PROX1: variants seen among roughly 807,000 people sequenced by gnomAD.
The protein encoded by PROX1 is prospero homeobox protein 1.
PROX1 carries 7 observed loss-of-function variants against 58.8 expected under a neutral mutation model. The observed-to-expected ratio is 0.12, with a 90% CI of 0.07 to 0.22. PROX1 has a LOEUF of 0.22. Among genes scored for constraint, PROX1 ranks in the 10% least tolerant of loss-of-function variants. The pLI is 1.00. For synonymous variants in PROX1, 350 were observed against 358.3 expected (o/e 0.98, Z 0.26); for missense variants, 675 against 927.8 (o/e 0.73, Z 3.54).
At position 213,997,233 on chromosome 1, in the gene PROX1, G is replaced by T. The variant is rs371118740; in HGVS notation, c.698G>T (p.Arg233Leu). The part of the protein sequence containing the change: ...QLVSARKEQK[R>L]EERRQLKQQL... ...GTTTCAGCCCGAAAAGAACAGAAGCGAGAGGAGCGCCGACAGCTGAAACAG... is the reference window on the plus strand; with the variant it reads ...GTTTCAGCCCGAAAAGAACAGAAGCTAGAGGAGCGCCGACAGCTGAAACAG... The change falls in exon 2 of 5, where the codon CGA (arginine) becomes CTA (leucine). Residue 233 changes from arginine to leucine, a missense_variant. Physicochemically the swap from Arg to Leu is moderately radical, Grantham distance 102. Transcript: ENST00000366958. The surrounding 1 kb of genome is among the most constrained non-coding windows in gnomAD (Gnocchi z 7.1). 13 of 1,612,908 alleles carry T rather than the reference G, an allele frequency of 8.1e-6. No individual in the cohort carries two copies. The highest frequency in any genetic ancestry group is 1.1e-5 in the South Asian group (1 of 90,984).
At chr1:214,033,304 A>G (rs575523325) in intron 4 of PROX1, among the ~76,000 whole-genome samples, 1 of 152,346 alleles carries the variant, frequency 6.6e-6, no homozygotes, top group African/African-American at 2.4e-5. Flanking sequence ...ATTTTAATAA[A>G]TGCCTATAAT....
chr1:213,997,541 C>A lies in PROX1; in HGVS notation c.1006C>A (p.His336Asn). 6.2e-7 allele frequency: 1 copy of A among 1,614,010 alleles called. No homozygotes were observed. Among genetic ancestry groups the A allele is most frequent in the Non-Finnish European group, 8.5e-7 (1 of 1,179,964 alleles). Reference protein sequence around the residue: ...KREGNNKERDHGPNSLQPEGK... With the variant: ...KREGNNKERDNGPNSLQPEGK... ...AGAAGGCAACAACAAAGAAAGAGAC[C>A]ATGGGCCAAACTCCTTACAACCGGA... The change falls in exon 2 of 5, where the codon CAT becomes AAT. Residue 336 changes from histidine (H) to asparagine (N), a missense_variant. Physicochemically the swap from His to Asn is moderately conservative, Grantham distance 68 (BLOSUM62 1). Transcript: ENST00000366958. The surrounding 1 kb of genome is among the most constrained non-coding windows in gnomAD (Gnocchi z 7.1).
chr1:214,018,930 A>C (rs1247022715), intron 4 of PROX1, among the ~76,000 whole-genome samples: 2 of 152,334 alleles, frequency 1.3e-5, no homozygotes, highest in South Asian at 2.1e-4. Context: ...CTTCTTATGA[A>C]TCTTTCATGA....
At chr1:213,989,154 G>A (rs34583758) in intron 1 of PROX1, among the ~76,000 whole-genome samples, 1 of 152,058 alleles carries the variant, frequency 6.6e-6, no homozygotes, top group Admixed American at 6.6e-5. Flanking sequence ...AGGAGAGAGG[G>A]AGGTGGGGGG....
Position 213,998,240 on chromosome 1 carries a change from T to C in PROX1, c.1705T>C (p.Ser569Pro), listed in dbSNP as rs1663358856. The change falls in exon 2 of 5, where the codon TCA (serine) becomes CCA (proline). Residue 569 changes from serine to proline, a missense_variant. By Grantham distance (74) the Ser-to-Pro change is moderately conservative. Around this residue, in one of 8 missense-constraint regions of PROX1, gnomAD observed 39 missense variants for 73.4 expected, o/e 0.53. Transcript: ENST00000366958. ...CGDLQDMSEI[S>P]PYSGSAMQEG... ...CGATCTTCAAGATATGTCTGAAATA[T>C]CACCTTATTCGGGAAGTGCAATATC... 6.4e-7 allele frequency: 1 copy of C among 1,570,578 alleles called. No homozygotes were observed. Among genetic ancestry groups the C allele is most frequent in the African/African-American group, 1.4e-5 (1 of 73,240 alleles).
At chr1:214,020,208 C>T (rs777786025) in intron 4 of PROX1, among the ~76,000 whole-genome samples, 10 of 152,154 alleles carry the variant, frequency 6.6e-5, no homozygotes, top group Non-Finnish European at 1.0e-4. Context: ...CTTCCTCCTC[C>T]GTCCCCACTC....
chr1:213,996,946 C>T lies in PROX1; in HGVS notation c.411C>T (p.Pro137=). 2 of 1,614,056 alleles carry T rather than the reference C, an allele frequency of 1.2e-6. No homozygotes were observed. The highest frequency in any genetic ancestry group is 1.7e-6 in the Non-Finnish European group (2 of 1,180,034). The stretch of plus-strand genomic sequence containing the variant: ...GCAGCAACTCTTCAAGAGACAGCCC[C>T]CCAGAGTGTCTTTCCCCTTTTGGCA... ...DICSNSSRDS[P]PECLSPFGRP... is the part of the protein sequence containing the mutation. Residue 137 remains proline, a synonymous_variant, in exon 2 of 5, where the codon CCC becomes CCT. Transcript: ENST00000366958.
At chr1:214,032,849 C>G (rs1344170621) in intron 4 of PROX1, among the ~76,000 whole-genome samples, 1 of 152,126 alleles carries the variant, frequency 6.6e-6, no homozygotes, top group Non-Finnish European at 1.5e-5. Context: ...AAAGGATAAC[C>G]TATGATTGCC....
intron 4 of PROX1, among the ~76,000 whole-genome samples, chr1:214,012,233 A>G (rs17021768): frequency 6.6e-5 from 10 of 152,324 alleles, no homozygotes; most frequent in South Asian, 4.1e-4. Context: ...TACTAAGTAC[A>G]TAGCATAAGA....
chr1:214,005,494 A>G (rs1054467936), intron 3 of PROX1, among the ~76,000 whole-genome samples: 1 of 152,212 alleles, frequency 6.6e-6, no homozygotes, highest in Non-Finnish European at 1.5e-5. Flanking sequence ...ATGGGTTTCC[A>G]ATGTAGTCTG....
At chr1:213,995,662 T>C (rs2102691305) in intron 1 of PROX1, among the ~76,000 whole-genome samples, 1 of 152,274 alleles carries the variant, frequency 6.6e-6, no homozygotes, top group South Asian at 2.1e-4. Flanking sequence ...ACATCCTTGT[T>C]TTGCAGTGAA....
chr1:213,989,506 C>A (rs1424787251), intron 1 of PROX1, among the ~76,000 whole-genome samples: 1 of 151,864 alleles, frequency 6.6e-6, no homozygotes, highest in Non-Finnish European at 1.5e-5. Flanking sequence ...CTGGGTGGTA[C>A]CTACCGTTTT....
At position 214,040,437 on chromosome 1, in the gene PROX1, AT is replaced by A. The variant is rs1213109511; in HGVS notation, c.*4610del. On this transcript the variant is annotated 3_prime_UTR_variant, in exon 5 of 5. Coordinates refer to ENST00000366958, the MANE Select transcript of PROX1 (RefSeq NM_001270616.2). ...TTTTGTGAAAACGTATTCATTCTGTATTTTTTTAAATATTCAATTCCCCTAA... is the reference window on the plus strand; with the variant it reads ...TTTTGTGAAAACGTATTCATTCTGTATTTTTTAAATATTCAATTCCCCTAA... 6.6e-6 allele frequency: 1 copy of A among 152,256 alleles called. No homozygotes were observed. The highest frequency in any genetic ancestry group is 1.9e-4 in the East Asian group (1 of 5,190). The allele number at this position is 152,256 out of a possible 1,614,324, so 9.4% of individuals were successfully genotyped here. A position where few individuals can be genotyped will look rare whatever the true frequency, so the allele number is the denominator to read the frequency against.
Position 213,996,783 on chromosome 1 carries a change from C to T in PROX1, c.248C>T (p.Ala83Val), listed in dbSNP as rs1300419177. ...AAGAGGGCGAACTCGTATGAAGATG[C>T]CATGATGCCTTTTCCAGGAGCAACC... ...LLKRANSYED[A>V]MMPFPGATII... Residue 83 changes from alanine to valine, a missense_variant, in exon 2 of 5, where the codon GCC (alanine) becomes GTC (valine). Around this residue, in one of 8 missense-constraint regions of PROX1, gnomAD observed 157 missense variants for 197.8 expected, o/e 0.79. Coordinates refer to ENST00000366958, the MANE Select transcript of PROX1 (RefSeq NM_001270616.2). 3.1e-6 allele frequency: 5 copies of T among 1,614,016 alleles called. No homozygotes were observed. The highest frequency in any genetic ancestry group is 4.2e-6 in the Non-Finnish European group (5 of 1,180,034).
intron 4 of PROX1, among the ~76,000 whole-genome samples, chr1:214,033,620 C>G (rs1330449381): frequency 6.6e-6 from 1 of 152,098 alleles, no homozygotes; most frequent in Non-Finnish European, 1.5e-5. Context: ...TAATAAATGC[C>G]TATGATTATG....
intron 3 of PROX1, among the ~76,000 whole-genome samples, chr1:214,006,692 G>C (rs1188038302): frequency 6.6e-6 from 1 of 152,126 alleles, no homozygotes; most frequent in Non-Finnish European, 1.5e-5. Context: ...GGTAAAGTTT[G>C]TCTTCCAGGG....
At chr1:213,987,045 C>CAGCT (rs2102671393), upstream of PROX1, among the ~76,000 whole-genome samples, 1 of 152,276 alleles carries the variant, frequency 6.6e-6, no homozygotes, top group East Asian at 1.9e-4. Context: ...CTGTATTGAA[C>CAGCT]AGCTATCTTT....
intron 4 of PROX1, among the ~76,000 whole-genome samples, chr1:214,013,030 T>C (rs1196252188): frequency 6.6e-6 from 1 of 152,108 alleles, no homozygotes; most frequent in Non-Finnish European, 1.5e-5. Context: ...GGGGAAGTCA[T>C]AGTTTTTCTT....
intron 2 of PROX1, among the ~76,000 whole-genome samples, chr1:213,998,535 T>C (rs1204182482): frequency 1.3e-5 from 2 of 152,184 alleles, no homozygotes; most frequent in African/African-American, 4.8e-5. Context: ...GTGTTTTTTT[T>C]CTGCTGTTCT....
Sources: gnomAD v4.1 joint callset for allele counts (sites outside exome capture counted in the v4.1 genomes callset) on GRCh38, gnomAD v4.1.1 for gene constraint, gnomAD v4.1.1 regional missense constraint, Gnocchi (gnomAD v3.1) non-coding constraint, MANE v1.5 for transcripts, NCBI Gene and HGNC (gene_info 2026-07-23, HGNC 2026-07-21) for gene names.